The following XRCC1 variants were observed in gnomAD, a reference collection of about 807,000 sequenced individuals.
XRCC1 encodes the protein DNA repair protein XRCC1.
A neutral mutation model predicts 83.3 loss-of-function variants in XRCC1; 52 were observed. The observed-to-expected ratio is 0.62, with a 90% CI of 0.50 to 0.79. The LOEUF (loss-of-function observed/expected upper bound fraction) is 0.79. Among genes scored for constraint, XRCC1 ranks in the 30% least tolerant of loss-of-function variants. The pLI, the probability that XRCC1 is intolerant of heterozygous loss-of-function variation, is 0.00. For missense variants in XRCC1, 793 were observed against 823.5 expected, an observed-to-expected ratio of 0.96 and a Z score of 0.45; for synonymous variants, 281 against 312.6, an observed-to-expected ratio of 0.90 and a Z score of 1.07.
At chr19:43,571,205 T>TG (rs1421142939) in intron 2 of XRCC1, among the ~76,000 whole-genome samples, 1 of 152,132 alleles carries the variant, frequency 6.6e-6, no homozygotes, top group East Asian at 1.9e-4. Context: ...CCTCATCTCC[T>TG]ACCTCTCTCC....
chr19:43,554,610 C>T, intron 4 of XRCC1, 36 bp downstream of exon 4: 1 of 1,585,874 alleles, frequency 6.3e-7, no homozygotes, highest in Non-Finnish European at 8.6e-7. Context: ...TTGCCCAGGA[C>T]CAAGGACTCT....
chr19:43,543,354 G>T lies in XRCC1; in HGVS notation c.*38C>A. On this transcript the variant is annotated 3_prime_UTR_variant, in exon 17 of 17. Coordinates refer to ENST00000262887, the MANE Select transcript of XRCC1 (RefSeq NM_006297.3). ...TATTAAATGCATCGTGTGTGTGTGT[G>T]TGTGTGTGTGTGTGTGTGTGTGTGT... 1.7e-6 allele frequency: 2 copies of T among 1,176,838 alleles called. No individual in the cohort carries two copies. The highest frequency in any genetic ancestry group is 2.4e-6 in the Non-Finnish European group (2 of 837,420). 72.9% of individuals were successfully genotyped at this position (1,176,838 alleles called of 1,614,324 possible). A position where few individuals can be genotyped will look rare whatever the true frequency, so the allele number is the denominator to read the frequency against.
Position 43,553,504 on chromosome 19 carries a change from T to C in XRCC1, c.498A>G (p.Thr166=). Reference sequence around the variant, plus strand: ...CACGGAACTGGCCAAGCTTGGTCACTGTCACCTTCTAAGGTCCCGCAAGGT... The same window carrying C: ...CACGGAACTGGCCAAGCTTGGTCACCGTCACCTTCTAAGGTCCCGCAAGGT... ...DEAEAPSQKV[T]VTKLGQFRVK... The change falls in exon 6 of 17, where the codon ACA becomes ACG. Residue 166 remains threonine (T), a synonymous_variant. Transcript: ENST00000262887. 5 of 1,614,126 alleles carry C rather than the reference T, an allele frequency of 3.1e-6. No individual in the cohort carries two copies. Among genetic ancestry groups the C allele is most frequent in the Non-Finnish European group, 4.2e-6 (5 of 1,180,012 alleles).
intron 2 of XRCC1, among the ~76,000 whole-genome samples, chr19:43,569,756 A>G (rs761674808): frequency 6.6e-5 from 10 of 152,186 alleles, no homozygotes; most frequent in Non-Finnish European, 1.3e-4. Flanking sequence ...CACTCCAGCC[A>G]GAACAACAAG....
chr19:43,557,226 T>C (rs946514578), intron 3 of XRCC1, among the ~76,000 whole-genome samples: 28 of 147,604 alleles, frequency 1.9e-4, no homozygotes, highest in Non-Finnish European at 3.4e-4. Context: ...GGAGAATCAC[T>C]TGAACCCAGG....
In XRCC1 at chr19:43,552,975, AT is replaced by A. The variant is rs751654943; in HGVS notation, c.711+6del. 112 of 1,605,892 alleles carry A rather than the reference AT, an allele frequency of 7.0e-5. No individual in the cohort carries two copies. The highest frequency in any genetic ancestry group is 9.5e-5 in the Non-Finnish European group (112 of 1,176,646). ...TCCTCCACCCCACCAAAGTCTGATG[AT>A]TTCACCTTGGAGGTGCTGCCTATGG... On this transcript the variant is annotated splice_donor_region_variant and intron_variant, in intron 7 of 16. Transcript: ENST00000262887.
At position 43,548,434 on chromosome 19, in the gene XRCC1, ATTC is replaced by A. The variant is rs1207576243; in HGVS notation, c.1200-1460_1200-1458del. Reference sequence around the variant, plus strand: ...TTCATTTTGTTCTGTACTAAGAAAAATTCTTCTGCCTTGGGATGCTGTTAATCT... The same window carrying A: ...TTCATTTTGTTCTGTACTAAGAAAAATTCTGCCTTGGGATGCTGTTAATCT... On this transcript the variant is annotated intron_variant, in intron 10 of 16. Coordinates refer to ENST00000262887, the MANE Select transcript of XRCC1 (RefSeq NM_006297.3). Among the ~76,000 whole-genome samples, 13 of 152,370 alleles carry A rather than the reference ATTC, an allele frequency of 8.5e-5. No individual in the cohort carries two copies. In the East Asian group the frequency reaches 2.1e-3, roughly 25 times the overall value.
At position 43,546,062 on chromosome 19, in the gene XRCC1, C is replaced by T. The variant is rs72554204; in HGVS notation, c.1471G>A (p.Glu491Lys). 122 of 1,611,836 alleles carry T rather than the reference C, an allele frequency of 7.6e-5. No individual in the cohort carries two copies. In the Admixed American group the frequency reaches 7.7e-4, roughly 10 times the overall value. The change falls in exon 13 of 17, where the codon GAG becomes AAG. Residue 491 changes from glutamate to lysine, a missense_variant. Physicochemically the swap from Glu to Lys is moderately conservative, Grantham distance 56. Coordinates refer to ENST00000262887, the MANE Select transcript of XRCC1 (RefSeq NM_006297.3). ...GAEDSGDTED[E>K]LRRVAEQKEH... ...CAGCCCCAGCCCTACCTCCTCAGCT[C>T]ATCCTCTGTGTCCCCAGAATCTTCC...
intron 14 of XRCC1, among the ~76,000 whole-genome samples, chr19:43,545,105 G>A (rs529297284): frequency 6.6e-6 from 1 of 152,246 alleles, no homozygotes; most frequent in African/African-American, 2.4e-5. Context: ...CCATCAATTT[G>A]CTGATGCCAC....
chr19:43,574,971 T>C lies in XRCC1; in HGVS notation c.83A>G (p.Asp28Gly). Residue 28 changes from aspartate (D) to glycine (G), a missense_variant, in exon 2 of 17, where the codon GAC becomes GGC. Physicochemically the swap from Asp to Gly is moderately conservative, Grantham distance 94. Transcript: ENST00000262887. ...THCAENLLKA[D>G]TYRKWRAAKA... ...GGCTGCCCGCCATTTTCGGTAAGTG[T>C]CTGCCTTGAGAAGATTTTCTGCACA... 4 of 1,614,108 alleles carry C rather than the reference T, an allele frequency of 2.5e-6. No homozygotes were observed. Among genetic ancestry groups the C allele is most frequent in the Non-Finnish European group, 2.5e-6 (3 of 1,180,008 alleles).
At position 43,553,098 on chromosome 19, in the gene XRCC1, A is replaced by G. The variant is rs1386279381; in HGVS notation, c.602-7T>C. 2 of 1,561,114 alleles carry G rather than the reference A, an allele frequency of 1.3e-6. No homozygotes were observed. On this transcript the variant is annotated splice_region_variant and splice_polypyrimidine_tract_variant and intron_variant, in intron 6 of 16. Transcript: ENST00000262887. ...GCTGGGTCGCTGGCTGTGACTATGA[A>G]GGGAGAAAGTGGATCCAGGATGAGA...
intron 10 of XRCC1, among the ~76,000 whole-genome samples, chr19:43,548,308 C>T (rs112651669): frequency 0.027 from 4,029 of 151,832 alleles, 47 homozygotes; most frequent in African/African-American, 0.061. Context: ...GCCATGATGA[C>T]GATGGCGGTT....
At chr19:43,548,825 A>G (rs1358959974) in intron 10 of XRCC1, among the ~76,000 whole-genome samples, 1 of 150,986 alleles carries the variant, frequency 6.6e-6, no homozygotes, top group East Asian at 1.9e-4. Flanking sequence ...GGGACTTCCT[A>G]CATGCCAGGT....
chr19:43,554,223 C>T (rs1972612238), intron 4 of XRCC1, among the ~76,000 whole-genome samples: 1 of 152,190 alleles, frequency 6.6e-6, no homozygotes, highest in African/African-American at 2.4e-5. Context: ...CATCCCTTAA[C>T]CTACAGCAAC....
intron 3 of XRCC1, among the ~76,000 whole-genome samples, chr19:43,559,247 G>A (rs1972670876): frequency 1.3e-5 from 2 of 151,938 alleles, no homozygotes; most frequent in Admixed American, 6.6e-5. Context: ...ACTTTGGGAG[G>A]CTAAGGTGGG....
intron 3 of XRCC1, among the ~76,000 whole-genome samples, chr19:43,560,331 G>A (rs1186551779): frequency 6.6e-6 from 1 of 151,890 alleles, no homozygotes; most frequent in African/African-American, 2.4e-5. Flanking sequence ...GGGAGGCAGA[G>A]GTTGCAAGGA....
intron 14 of XRCC1, 106 bp downstream of exon 14, chr19:43,545,712 G>A (rs1972501111): frequency 6.8e-7 from 1 of 1,465,290 alleles, no homozygotes; most frequent in Non-Finnish European, 9.3e-7. Context: ...GGAGAGGGGA[G>A]GCAAGACACG....
intron 2 of XRCC1, among the ~76,000 whole-genome samples, chr19:43,564,944 G>A (rs936572159): frequency 3.3e-5 from 5 of 151,994 alleles, no homozygotes; most frequent in Non-Finnish European, 7.4e-5. Context: ...TTGCATCTTC[G>A]GCTTCTCGAG....
At position 43,546,588 on chromosome 19, in the gene XRCC1, G is replaced by A. The variant is rs1164349664; in HGVS notation, c.1426+7C>T. The A allele has an allele frequency of 1.2e-6, 2 of 1,604,084 alleles. No individual in the cohort carries two copies. The highest frequency in any genetic ancestry group is 1.7e-6 in the Non-Finnish European group (2 of 1,177,340). On this transcript the variant is annotated splice_region_variant and intron_variant, in intron 12 of 16. Transcript: ENST00000262887. Reference sequence around the variant, plus strand: ...AGGCCCCAGCCCCTCCTCCCTCAGAGTCTGACCTGACTGTACCCCCTCAAT... The same window carrying A: ...AGGCCCCAGCCCCTCCTCCCTCAGAATCTGACCTGACTGTACCCCCTCAAT...
Sources: allele counts gnomAD v4.1 joint callset (sites outside exome capture counted in the v4.1 genomes callset), GRCh38; gene constraint gnomAD v4.1.1; transcripts MANE v1.5; gene names NCBI Gene and HGNC (gene_info 2026-07-23, HGNC 2026-07-21).